Variants in RCL1 observed in about 807,000 individuals in gnomAD.
RCL1 encodes RNA terminal phosphate cyclase like 1.
Under a neutral mutation model 42.4 loss-of-function variants are expected in RCL1, and 24 were observed. The observed-to-expected ratio is 0.57, with a 90% confidence interval of 0.41 to 0.80. The LOEUF (loss-of-function observed/expected upper bound fraction) is 0.80, where lower values mean the gene tolerates loss of function less well. Ranked by LOEUF, RCL1 falls within the 30% of genes least tolerant of loss-of-function variation. The pLI, the probability that RCL1 is intolerant of heterozygous loss-of-function variation, is 0.00. For synonymous variants in RCL1, 228 were observed against 177.3 expected, an observed-to-expected ratio of 1.29 and a Z score of -2.27; for missense variants, 578 against 467.9, an observed-to-expected ratio of 1.24 and a Z score of -2.17.
At chr9:4,821,420 C>T (rs148608066) in intron 1 of RCL1, among the ~76,000 whole-genome samples, 440 of 152,202 alleles carry the variant, frequency 2.9e-3, no homozygotes, top group African/African-American at 9.5e-3. Flanking sequence ...GGATCCTAGC[C>T]TTTTGTAAAA....
intron 7 of RCL1, among the ~76,000 whole-genome samples, chr9:4,845,872 C>G (rs907915679): frequency 6.6e-6 from 1 of 152,184 alleles, no homozygotes; most frequent in Admixed American, 6.5e-5. Context: ...TTGTATTGTT[C>G]TGTGTATTTC....
rs1231201871 is a variant in RCL1, at chr9:4,853,669, G to T, written c.971+4119G>T. ...AGCTGGGATTCCATCCATATCGCTGGACTCCAAGCACCTTGCCTGAGGCAG... is the reference window on the plus strand; with the variant it reads ...AGCTGGGATTCCATCCATATCGCTGTACTCCAAGCACCTTGCCTGAGGCAG... On this transcript the variant is annotated intron_variant, in intron 8 of 8. Transcript: ENST00000381750. Among the ~76,000 whole-genome samples the T allele has an allele frequency of 2.0e-5, 3 of 152,098 alleles. No homozygotes were observed. In the East Asian group the frequency reaches 5.8e-4, roughly 29 times the overall value.
chr9:4,806,542 A>C lies in RCL1; in HGVS notation c.136+13315A>C, dbSNP rs180834987. The stretch of plus-strand genomic sequence containing the variant: ...GGTGTATTGCCTTGATTGATATTTA[A>C]ATATTGAACCAGCCTTGCATTCCTG... On this transcript the variant is annotated intron_variant, in intron 1 of 8. Transcript: ENST00000381750. Among the ~76,000 whole-genome samples the C allele has an allele frequency of 7.5e-5, 11 of 145,866 alleles. No individual in the cohort carries two copies. In the East Asian group the frequency reaches 2.2e-3, roughly 29 times the overall value.
chr9:4,793,266 G>A lies in RCL1; in HGVS notation c.136+39G>A, dbSNP rs763858909. 5 of 1,550,680 alleles carry A rather than the reference G, an allele frequency of 3.2e-6. No homozygotes were observed. In the Admixed American group the frequency reaches 5.8e-5, roughly 18 times the overall value. On this transcript the variant is annotated intron_variant, in intron 1 of 8. Transcript: ENST00000381750. ...GGCGGCGCGCGGCGTGGGCGCGGGG[G>A]CTGAGGGGAGACCGAGCTGATGCCG...
intron 1 of RCL1, among the ~76,000 whole-genome samples, chr9:4,811,900 G>T (rs1339121701): frequency 1.3e-5 from 2 of 152,148 alleles, no homozygotes; most frequent in African/African-American, 4.8e-5. Context: ...TCTAACTGGG[G>T]TGAGATGATA....
intron 5 of RCL1, among the ~76,000 whole-genome samples, chr9:4,837,302 A>G (rs1207040118): frequency 6.6e-6 from 1 of 152,164 alleles, no homozygotes; most frequent in Non-Finnish European, 1.5e-5. Flanking sequence ...TGCCAAATAC[A>G]CTGCGGTTAA....
At chr9:4,801,056 T>A (rs1287277939) in intron 1 of RCL1, among the ~76,000 whole-genome samples, 1 of 152,248 alleles carries the variant, frequency 6.6e-6, no homozygotes, top group Non-Finnish European at 1.5e-5. Flanking sequence ...CTGATAGGTA[T>A]GTAGTGATGC....
intron 3 of RCL1, 118 bp from the exon 4 acceptor site, chr9:4,833,036 C>T: frequency 2.9e-6 from 2 of 695,942 alleles, no homozygotes; most frequent in Middle Eastern, 3.9e-4. Flanking sequence ...ATGCCAGCAT[C>T]CTTTCTGTTT....
intron 8 of RCL1, among the ~76,000 whole-genome samples, chr9:4,851,052 T>C (rs1407542640): frequency 6.6e-6 from 1 of 152,202 alleles, no homozygotes; most frequent in African/African-American, 2.4e-5. Flanking sequence ...TTTGGAGATT[T>C]TTCAATTTGG....
At chr9:4,807,451 T>G (rs1037981811) in intron 1 of RCL1, among the ~76,000 whole-genome samples, 7 of 152,238 alleles carry the variant, frequency 4.6e-5, no homozygotes, top group African/African-American at 1.7e-4. Context: ...ATATTTCATT[T>G]TAGTTTTCAT....
chr9:4,835,435 C>G (rs1817089139), intron 5 of RCL1, among the ~76,000 whole-genome samples: 1 of 152,124 alleles, frequency 6.6e-6, no homozygotes, highest in Non-Finnish European at 1.5e-5. Flanking sequence ...GGGAAGAGTG[C>G]TGGATCCCTA....
chr9:4,857,281 C>T (rs1817993791), intron 8 of RCL1, among the ~76,000 whole-genome samples: 1 of 152,192 alleles, frequency 6.6e-6, no homozygotes, highest in South Asian at 2.1e-4. Context: ...CAGCCCCAGG[C>T]AACCACGAAT....
Position 4,847,544 on chromosome 9 carries a change from C to G in RCL1, c.868-1903C>G, listed in dbSNP as rs545435326. Among the ~76,000 whole-genome samples, 25 of 152,314 alleles carry G rather than the reference C, an allele frequency of 1.6e-4. No homozygotes were observed. The South Asian group carries it at 5.2e-3, about 32-fold the overall frequency. On this transcript the variant is annotated intron_variant, in intron 7 of 8. Transcript: ENST00000381750. ...TTTCACTGCTCTAATCACTGCCTGC[C>G]TCCCTGCTCCACTCCACAACTGGAT...
At chr9:4,838,011 A>C (rs1205271248) in intron 5 of RCL1, among the ~76,000 whole-genome samples, 1 of 152,178 alleles carries the variant, frequency 6.6e-6, no homozygotes, top group African/African-American at 2.4e-5. Context: ...CAAACACCTC[A>C]AAGGAATGTT....
At chr9:4,839,856 T>C (rs1817255241) in intron 5 of RCL1, 1 of 985,092 alleles carries the variant, frequency 1.0e-6, no homozygotes, top group Non-Finnish European at 1.2e-6. Flanking sequence ...AAGAGAGATG[T>C]ATGGTAAGTT....
In RCL1 at chr9:4,860,503, G is replaced by A. The variant is rs752104079; in HGVS notation, c.*228G>A. 1 of 495,208 alleles carries A rather than the reference G, an allele frequency of 2.0e-6. No individual in the cohort carries two copies. Among genetic ancestry groups the A allele is most frequent in the Non-Finnish European group, 3.5e-6 (1 of 289,632 alleles). The allele number at this position is 495,208 out of a possible 1,614,324, so 30.7% of individuals were successfully genotyped here. On this transcript the variant is annotated 3_prime_UTR_variant, in exon 9 of 9. Transcript: ENST00000381750. Reference sequence around the variant, plus strand: ...CAGGAGGGGCCCAGTCACCATGAGAGCTCCCTTGCCTTACCTGGAGGAAGA... The same window carrying A: ...CAGGAGGGGCCCAGTCACCATGAGAACTCCCTTGCCTTACCTGGAGGAAGA...
intron 1 of RCL1, among the ~76,000 whole-genome samples, chr9:4,810,620 C>T (rs1257012676): frequency 6.9e-6 from 1 of 144,704 alleles, no homozygotes; most frequent in Non-Finnish European, 1.5e-5. Flanking sequence ...AACAGTGATA[C>T]CAAGAATATT....
chr9:4,827,086 A>G (rs1216584790), intron 3 of RCL1, 53 bp downstream of exon 3: 6 of 1,611,812 alleles, frequency 3.7e-6, no homozygotes, highest in Non-Finnish European at 5.1e-6. Context: ...TCTTGTCACA[A>G]CCCAACTTGT....
intron 1 of RCL1, among the ~76,000 whole-genome samples, chr9:4,794,162 C>G (rs1842877347): frequency 6.6e-6 from 1 of 152,206 alleles, no homozygotes; most frequent in Admixed American, 6.5e-5. Flanking sequence ...CTGGAAGCTT[C>G]CTGAGCGGCG....
Sources: gnomAD v4.1 joint callset for allele counts (sites outside exome capture counted in the v4.1 genomes callset) on GRCh38, gnomAD v4.1.1 for gene constraint, MANE v1.5 for transcripts, NCBI Gene and HGNC (gene_info 2026-07-23, HGNC 2026-07-21) for gene names.